The following UBAC2 variants were observed in gnomAD, a reference collection of about 807,000 sequenced individuals.
UBAC2 encodes ubiquitin-associated domain-containing protein 2.
A neutral mutation model predicts 44.0 loss-of-function variants in UBAC2; 26 were observed. That is an observed-to-expected ratio of 0.59 (90% CI 0.43 to 0.82). The LOEUF is 0.82. Among genes scored for constraint, UBAC2 ranks in the 40% least tolerant of loss-of-function variants. The pLI, the probability that UBAC2 is intolerant of heterozygous loss-of-function variation, is 0.00. For synonymous variants in UBAC2, 155 were observed against 154.3 expected (o/e 1.00, Z -0.04); for missense variants, 329 against 419.4 (o/e 0.78, Z 1.88).
rs545252256 is a variant in UBAC2, at chr13:99,299,612, G to A, written c.390-14485G>A. Among the ~76,000 whole-genome samples the A allele has an allele frequency of 2.6e-5, 4 of 152,172 alleles. No homozygotes were observed. The South Asian group carries it at 8.3e-4, about 32-fold the overall frequency. ...GTCAGTGACTGGAATGAATAAATAG[G>A]TAAAAAAAATTTTAATGGGAAAAAA... On this transcript the variant is annotated intron_variant, in intron 4 of 8. Coordinates refer to ENST00000403766, the MANE Select transcript of UBAC2 (RefSeq NM_001144072.2).
intron 1 of UBAC2, among the ~76,000 whole-genome samples, chr13:99,237,453 G>C (rs2043250598): frequency 6.6e-6 from 1 of 152,168 alleles, no homozygotes; most frequent in Non-Finnish European, 1.5e-5. Context: ...TGAAGACAGA[G>C]AGTAGGTTGG....
chr13:99,278,010 A>G (rs1209941747), intron 4 of UBAC2, among the ~76,000 whole-genome samples: 3 of 152,150 alleles, frequency 2.0e-5, no homozygotes, highest in Non-Finnish European at 4.4e-5. Flanking sequence ...CGATGAGCAG[A>G]TTAATGTAGG....
At chr13:99,266,515 T>A (rs1259455071) in intron 4 of UBAC2, among the ~76,000 whole-genome samples, 2 of 152,246 alleles carry the variant, frequency 1.3e-5, no homozygotes, top group Non-Finnish European at 2.9e-5. Flanking sequence ...AGACCATTTC[T>A]GCCCTCTTTG....
chr13:99,334,000 T>C (rs2044752605), intron 6 of UBAC2, among the ~76,000 whole-genome samples: 2 of 152,198 alleles, frequency 1.3e-5, no homozygotes, highest in South Asian at 4.1e-4. Flanking sequence ...CCAGGCTGGA[T>C]GCATTGGTGC....
intron 7 of UBAC2, among the ~76,000 whole-genome samples, chr13:99,351,100 C>T (rs1485361336): frequency 6.6e-6 from 1 of 152,172 alleles, no homozygotes; most frequent in Non-Finnish European, 1.5e-5. Context: ...CCTGGGTTGA[C>T]AGGGACATCT....
intron 4 of UBAC2, among the ~76,000 whole-genome samples, chr13:99,250,769 C>T (rs536585935): frequency 2.6e-5 from 4 of 151,428 alleles, no homozygotes; most frequent in South Asian, 2.1e-4. Context: ...TTTTTTGAGA[C>T]GGAGTCTCAC....
At chr13:99,363,207 C>T (rs1445290637) in intron 7 of UBAC2, among the ~76,000 whole-genome samples, 1 of 152,170 alleles carries the variant, frequency 6.6e-6, no homozygotes, top group Admixed American at 6.5e-5. Context: ...TTTTGCCTAA[C>T]TTCCACTAAT....
chr13:99,335,081 G>A (rs1223780642), intron 6 of UBAC2, among the ~76,000 whole-genome samples: 2 of 152,188 alleles, frequency 1.3e-5, no homozygotes, highest in Admixed American at 1.3e-4. Flanking sequence ...CCTAATAACA[G>A]CGTCCACAAA....
chr13:99,246,768 A>G (rs1394729064), intron 4 of UBAC2, among the ~76,000 whole-genome samples: 7 of 152,218 alleles, frequency 4.6e-5, no homozygotes, highest in African/African-American at 1.7e-4. Context: ...TTGTAGCAAG[A>G]GTTACAAACT....
intron 2 of UBAC2, among the ~76,000 whole-genome samples, chr13:99,243,473 A>G (rs989021765): frequency 3.3e-5 from 5 of 152,104 alleles, no homozygotes; most frequent in Non-Finnish European, 7.4e-5. Flanking sequence ...GTCTTATTCA[A>G]TAACATAAAA....
At chr13:99,338,037 TTC>T (rs1166802373) in intron 6 of UBAC2, among the ~76,000 whole-genome samples, 2 of 44,080 alleles carry the variant, frequency 4.5e-5, no homozygotes, top group South Asian at 7.7e-4. Context: ...CTAACTTTTT[TTC>T]TTTTTTTCTT....
intron 7 of UBAC2, among the ~76,000 whole-genome samples, chr13:99,366,064 C>T (rs767320274): frequency 2.0e-5 from 3 of 152,182 alleles, no homozygotes; most frequent in Non-Finnish European, 2.9e-5. Flanking sequence ...CATCTCTTTA[C>T]ATCAACTTGT....
intron 4 of UBAC2, among the ~76,000 whole-genome samples, chr13:99,265,813 A>T (rs1223079767): frequency 6.6e-6 from 1 of 152,250 alleles, no homozygotes; most frequent in African/African-American, 2.4e-5. Flanking sequence ...AGACGTACCA[A>T]ATAAAATAAT....
In UBAC2 at chr13:99,295,494, G is replaced by A. The variant is rs746491301; in HGVS notation, c.390-18603G>A. ...GTTCTGAAGAGTTTGCAGCAGATCT[G>A]AGAATAGCAGATGAGAATGATTATA... is the stretch of plus-strand genomic sequence containing the variant. On this transcript the variant is annotated intron_variant, in intron 4 of 8. Coordinates refer to ENST00000403766, the MANE Select transcript of UBAC2 (RefSeq NM_001144072.2). This position sits in a 1 kb window ranked among gnomAD's most constrained non-coding sequence, Gnocchi z 4.1. 2 of 1,613,948 alleles carry A rather than the reference G, an allele frequency of 1.2e-6. No individual in the cohort carries two copies.
At chr13:99,232,056 T>G (rs575513281) in intron 1 of UBAC2, among the ~76,000 whole-genome samples, 1 of 152,316 alleles carries the variant, frequency 6.6e-6, no homozygotes, top group African/African-American at 2.4e-5. Context: ...GTACCATGTC[T>G]ACATGTGTAT....
intron 1 of UBAC2, among the ~76,000 whole-genome samples, chr13:99,223,337 A>G (rs2043071867): frequency 6.6e-6 from 1 of 152,066 alleles, no homozygotes. Flanking sequence ...TTTATTCCTG[A>G]TACTGATAAT....
At chr13:99,206,616 G>A (rs1001159027) in intron 1 of UBAC2, among the ~76,000 whole-genome samples, 24 of 152,158 alleles carry the variant, frequency 1.6e-4, no homozygotes, top group African/African-American at 5.8e-4. Flanking sequence ...CAGACTCTCG[G>A]AGACCTGGCA....
chr13:99,238,431 G>A lies in UBAC2; in HGVS notation c.36G>A (p.Lys12=). 6.2e-7 allele frequency: 1 copy of A among 1,612,806 alleles called. No homozygotes were observed. Among genetic ancestry groups the A allele is most frequent in the Non-Finnish European group, 8.5e-7 (1 of 1,179,208 alleles). ...FTSTGSSGLY[K]APLSKSLLLV... ...TGCTTTCCTTTTTCCCTCCAGACAA[G>A]GCGCCTCTGTCGAAGAGCCTTCTGC... is the stretch of plus-strand genomic sequence containing the variant. Residue 12 remains lysine (K), a synonymous_variant, in exon 2 of 9, where the codon AAG becomes AAA. Transcript: ENST00000403766.
chr13:99,238,069 G>A (rs7995524), intron 1 of UBAC2, among the ~76,000 whole-genome samples: 84,657 of 152,092 alleles, frequency 0.56, 25,796 homozygotes, highest in Non-Finnish European at 0.71. Flanking sequence ...TATGAGTTTT[G>A]TGCATGCTCA....
Sources: gnomAD v4.1 joint callset for allele counts (sites outside exome capture counted in the v4.1 genomes callset) on GRCh38, gnomAD v4.1.1 for gene constraint, Gnocchi (gnomAD v3.1) non-coding constraint, MANE v1.5 for transcripts, NCBI Gene and HGNC (gene_info 2026-07-23, HGNC 2026-07-21) for gene names.